KIT: variants seen among roughly 807,000 people sequenced by gnomAD.
KIT encodes the protein mast/stem cell growth factor receptor Kit.
In KIT, 16 loss-of-function variants were observed where a neutral mutation model predicts 105.7. The observed-to-expected ratio is 0.15, with a 90% CI of 0.10 to 0.23. The LOEUF is 0.23. Ranked by LOEUF, KIT falls within the 10% of genes least tolerant of loss-of-function variation. The pLI is 1.00. For missense variants in KIT, 858 were observed against 1,213.8 expected, an observed-to-expected ratio of 0.71 and a Z score of 4.36; for synonymous variants, 438 against 441.1, an observed-to-expected ratio of 0.99 and a Z score of 0.09.
chr4:54,721,242 C>A (rs1286952853), intron 7 of KIT, among the ~76,000 whole-genome samples: 1 of 152,154 alleles, frequency 6.6e-6, no homozygotes, highest in African/African-American at 2.4e-5. Flanking sequence ...AGGAGAGAGA[C>A]CAGCTTGGCA....
At chr4:54,712,022 C>T (rs914689854) in intron 7 of KIT, among the ~76,000 whole-genome samples, 2 of 151,838 alleles carry the variant, frequency 1.3e-5, no homozygotes, top group Non-Finnish European at 2.9e-5. Flanking sequence ...ATGTTCATCT[C>T]ATTTAAGAGA....
intron 1 of KIT, among the ~76,000 whole-genome samples, chr4:54,691,471 T>C (rs371197699): frequency 6.6e-6 from 1 of 152,084 alleles, no homozygotes; most frequent in African/African-American, 2.4e-5. Context: ...CAAGACAAGA[T>C]GTGTCCCAGG....
intron 1 of KIT, 64 bp from the exon 2 acceptor site, chr4:54,695,448 A>T: frequency 1.3e-6 from 2 of 1,563,268 alleles, no homozygotes; most frequent in Non-Finnish European, 1.8e-6. Flanking sequence ...TCAGTATTGG[A>T]AGAAGTGCTT....
At chr4:54,738,352 T>C (rs2109817173) in intron 20 of KIT, 77 bp from the exon 21 acceptor site, 3 of 1,544,464 alleles carry the variant, frequency 1.9e-6, no homozygotes, top group Non-Finnish European at 2.7e-6. Flanking sequence ...GTTGTGATCT[T>C]GACACTGTAA....
chr4:54,710,534 G>A (rs977436904), intron 7 of KIT, among the ~76,000 whole-genome samples: 1 of 152,038 alleles, frequency 6.6e-6, no homozygotes, highest in African/African-American at 2.4e-5. Context: ...TCTGTACGAG[G>A]TGTTGTGGTT....
intron 1 of KIT, among the ~76,000 whole-genome samples, chr4:54,685,687 C>G (rs745342656): frequency 1.3e-5 from 2 of 152,200 alleles, no homozygotes; most frequent in African/African-American, 2.4e-5. Context: ...CCCTCTCTAG[C>G]CTCACACCGG....
chr4:54,704,093 A>G (rs2109694685), intron 5 of KIT, among the ~76,000 whole-genome samples: 1 of 152,360 alleles, frequency 6.6e-6, no homozygotes, highest in Admixed American at 6.5e-5. Context: ...GAAAGTGGAA[A>G]GCTGTTACTA....
intron 1 of KIT, among the ~76,000 whole-genome samples, chr4:54,677,899 T>C (rs1718595241): frequency 6.6e-6 from 1 of 152,198 alleles, no homozygotes; most frequent in Non-Finnish European, 1.5e-5. Flanking sequence ...TGTGAAAGAT[T>C]GGGGTTTCAA....
chr4:54,710,001 A>G (rs1210898176), intron 7 of KIT, among the ~76,000 whole-genome samples: 2 of 152,150 alleles, frequency 1.3e-5, no homozygotes, highest in Non-Finnish European at 2.9e-5. Context: ...ACTGAGACAA[A>G]TGCAATACTG....
intron 1 of KIT, among the ~76,000 whole-genome samples, chr4:54,679,274 C>T (rs1330574722): frequency 6.6e-6 from 1 of 152,136 alleles, no homozygotes; most frequent in Non-Finnish European, 1.5e-5. Flanking sequence ...TCTACCAACT[C>T]CAGAGAGGGG....
chr4:54,694,992 TCTC>T (rs1157166722), intron 1 of KIT, among the ~76,000 whole-genome samples: 1 of 152,140 alleles, frequency 6.6e-6, no homozygotes, highest in Non-Finnish European at 1.5e-5. Flanking sequence ...TGTGAATAGT[TCTC>T]CTTTTGATGA....
chr4:54,740,534 T>C lies in KIT; in HGVS notation c.*1977T>C. On this transcript the variant is annotated 3_prime_UTR_variant, in exon 21 of 21. Transcript: ENST00000288135. The stretch of plus-strand genomic sequence containing the variant: ...TATTGAAATGTAGCAATAATGTCTT[T>C]TGAATATTCCCAAGCCCATGAGTCC... The C allele has an allele frequency of 4.3e-6, 1 of 233,230 alleles. No homozygotes were observed. Among genetic ancestry groups the C allele is most frequent in the Non-Finnish European group, 8.5e-6 (1 of 117,778 alleles). 14.4% of individuals were successfully genotyped at this position (233,230 alleles called of 1,614,324 possible).
chr4:54,698,902 G>A (rs370200728), intron 3 of KIT, among the ~76,000 whole-genome samples: 7 of 152,328 alleles, frequency 4.6e-5, no homozygotes, highest in African/African-American at 1.7e-4. Context: ...TGGTTGAAAA[G>A]ATTAGCATGC....
In KIT at chr4:54,736,489, C is replaced by G. The variant is rs576739697; in HGVS notation, c.2485-9C>G. ...TAACATTATTGACTCTGTTGTGCTT[C>G]TATTACAGGCTCGACTACCTGTGAA... On this transcript the variant is annotated splice_polypyrimidine_tract_variant and intron_variant, in intron 17 of 20. Transcript: ENST00000288135. 23 of 1,584,726 alleles carry G rather than the reference C, an allele frequency of 1.5e-5. No individual in the cohort carries two copies. Among genetic ancestry groups the G allele is most frequent in the Non-Finnish European group, 2.0e-5 (23 of 1,153,456 alleles).
chr4:54,718,346 C>T (rs191463071), intron 7 of KIT, among the ~76,000 whole-genome samples: 340 of 152,242 alleles, frequency 2.2e-3, no homozygotes, highest in Non-Finnish European at 3.9e-3. Context: ...TCCCAAAGTG[C>T]TGGGATTACA....
At chr4:54,672,957 C>G (rs1051088650) in intron 1 of KIT, among the ~76,000 whole-genome samples, 4 of 152,082 alleles carry the variant, frequency 2.6e-5, no homozygotes, top group Non-Finnish European at 5.9e-5. Flanking sequence ...GCTTGGATAC[C>G]TTTATTATTT....
intron 1 of KIT, among the ~76,000 whole-genome samples, chr4:54,691,045 G>C (rs1261695688): frequency 6.6e-6 from 1 of 151,828 alleles, no homozygotes; most frequent in Non-Finnish European, 1.5e-5. Context: ...TGAATTTAGA[G>C]GGCCCTTATT....
At chr4:54,671,900 T>C (rs75846362) in intron 1 of KIT, among the ~76,000 whole-genome samples, 5,237 of 152,294 alleles carry the variant, frequency 0.034, 240 homozygotes, top group African/African-American at 0.1. Context: ...GAAGCATGTC[T>C]CAAGCATCAT....
In KIT at chr4:54,689,086, C is replaced by T. The variant is rs187026415; in HGVS notation, c.68-6426C>T. 7.6e-4 allele frequency among the ~76,000 whole-genome samples: 116 copies of T among 152,320 alleles called. 1 individual carries two copies. The highest frequency in any genetic ancestry group is 4.8e-3 in the Admixed American group (74 of 15,306). ...TGAAACAATCCAAATGCAGAACCCA[C>T]GCCAAGTTTTTGTAAATTGGAGGCC... On this transcript the variant is annotated intron_variant, in intron 1 of 20. Coordinates refer to ENST00000288135, the MANE Select transcript of KIT (RefSeq NM_000222.3).
Sources: allele counts gnomAD v4.1 joint callset (sites outside exome capture counted in the v4.1 genomes callset), GRCh38; gene constraint gnomAD v4.1.1; transcripts MANE v1.5; gene names NCBI Gene and HGNC (gene_info 2026-07-23, HGNC 2026-07-21).